Variants in GMDS observed in about 807,000 individuals in gnomAD.
GMDS encodes the protein GDP-mannose 4,6 dehydratase.
GMDS carries 20 observed loss-of-function variants against 49.9 expected under a neutral mutation model. The ratio of observed to expected loss-of-function variants is 0.40; its 90% CI spans 0.28 to 0.58. GMDS has a LOEUF of 0.58. Among genes scored for constraint, GMDS ranks in the 20% least tolerant of loss-of-function variants. The pLI, the probability that GMDS is intolerant of heterozygous loss-of-function variation, is 0.42. For synonymous variants in GMDS, 177 were observed against 178.6 expected (o/e 0.99, Z 0.07); for missense variants, 362 against 481.4 (o/e 0.75, Z 2.32).
chr6:2,111,004 T>C (rs955598086), intron 4 of GMDS, among the ~76,000 whole-genome samples: 6 of 152,226 alleles, frequency 3.9e-5, no homozygotes, highest in African/African-American at 9.6e-5. Context: ...AATTCCAACA[T>C]GGCATTGTGA....
Position 1,953,856 on chromosome 6 carries a change from T to G in GMDS, c.643+6011A>C, listed in dbSNP as rs1316623466. Among the ~76,000 whole-genome samples the G allele has an allele frequency of 3.3e-5, 5 of 152,310 alleles. No homozygotes were observed. The South Asian group carries it at 8.3e-4, about 25-fold the overall frequency. ...AAAAAACCTCTCAATATTTTCCCCA[T>G]AGTTCACAACTTATATAATAATTAA... On this transcript the variant is annotated intron_variant, in intron 6 of 10. Transcript: ENST00000380815.
chr6:2,003,632 A>AGCT (rs1766974786), intron 4 of GMDS, among the ~76,000 whole-genome samples: 1 of 152,192 alleles, frequency 6.6e-6, no homozygotes, highest in Admixed American at 6.5e-5. Flanking sequence ...TTAATCATAA[A>AGCT]GTATTTGCCT....
intron 4 of GMDS, among the ~76,000 whole-genome samples, chr6:2,038,968 C>T (rs899405855): frequency 6.6e-6 from 1 of 152,154 alleles, no homozygotes; most frequent in Non-Finnish European, 1.5e-5. Flanking sequence ...AGCGGGGATA[C>T]ATTCTGAGAA....
At chr6:1,738,816 C>T (rs998188164) in intron 8 of GMDS, among the ~76,000 whole-genome samples, 5 of 152,204 alleles carry the variant, frequency 3.3e-5, no homozygotes, top group Non-Finnish European at 7.3e-5. Context: ...TCCATGTTCT[C>T]GGCTGAATGC....
chr6:2,112,468 A>G (rs1349179741), intron 4 of GMDS, among the ~76,000 whole-genome samples: 1 of 152,190 alleles, frequency 6.6e-6, no homozygotes, highest in African/African-American at 2.4e-5. Context: ...GACCAGGGAC[A>G]GCATCATCTG....
chr6:1,704,783 C>T (rs532940446), intron 9 of GMDS, among the ~76,000 whole-genome samples: 2 of 147,382 alleles, frequency 1.4e-5, no homozygotes, highest in East Asian at 4.1e-4. Flanking sequence ...CTGCGTGGAG[C>T]TTGCTTTGTG....
At chr6:1,789,541 T>C (rs1281857570) in intron 7 of GMDS, among the ~76,000 whole-genome samples, 1 of 45,708 alleles carries the variant, frequency 2.2e-5, no homozygotes, top group Admixed American at 1.9e-4. Flanking sequence ...TCTTTTTTTT[T>C]TTTTTTTTTT....
chr6:1,975,764 A>G (rs1461561402), intron 4 of GMDS, among the ~76,000 whole-genome samples: 1 of 152,172 alleles, frequency 6.6e-6, no homozygotes, highest in Non-Finnish European at 1.5e-5. Context: ...ACAGGAGGGG[A>G]ACAAAGAAAA....
rs1011214198 is a variant in GMDS, at chr6:2,208,953, G to A, written c.102+36368C>T. Among the ~76,000 whole-genome samples, 3 of 151,554 alleles carry A rather than the reference G, an allele frequency of 2.0e-5. No homozygotes were observed. In the South Asian group the frequency reaches 6.2e-4, roughly 32 times the overall value. On this transcript the variant is annotated intron_variant, in intron 1 of 10. Coordinates refer to ENST00000380815, the MANE Select transcript of GMDS (RefSeq NM_001500.4). ...CAAGCTGTCCTGTCCAAGCATAAGA[G>A]CAAGAATATTACCAAACTTAATTCT...
intron 9 of GMDS, among the ~76,000 whole-genome samples, chr6:1,707,802 A>G (rs1225137040): frequency 2.6e-5 from 4 of 152,238 alleles, no homozygotes; most frequent in Non-Finnish European, 4.4e-5. Flanking sequence ...AAGCAATTTT[A>G]CATATGGTAA....
chr6:2,192,622 A>T (rs1183780136), intron 1 of GMDS, among the ~76,000 whole-genome samples: 1 of 152,202 alleles, frequency 6.6e-6, no homozygotes, highest in Non-Finnish European at 1.5e-5. Flanking sequence ...CCTTGGTGCC[A>T]GCTGGGGAAG....
chr6:2,174,881 G>A (rs1778198633), intron 1 of GMDS, among the ~76,000 whole-genome samples: 1 of 152,130 alleles, frequency 6.6e-6, no homozygotes, highest in Non-Finnish European at 1.5e-5. Flanking sequence ...ATGGTGCCTA[G>A]TTTCTAAAGG....
chr6:2,108,154 A>G (rs556085920), intron 4 of GMDS, among the ~76,000 whole-genome samples: 5 of 152,368 alleles, frequency 3.3e-5, no homozygotes, highest in Admixed American at 3.3e-4. Context: ...TCAGTGCTAA[A>G]GCAGAAATAT....
chr6:1,762,019 G>C (rs554883461), intron 7 of GMDS, among the ~76,000 whole-genome samples: 199 of 152,278 alleles, frequency 1.3e-3, no homozygotes, highest in African/African-American at 4.6e-3. Flanking sequence ...GTGAATTAAA[G>C]GACAATCTGA....
chr6:1,652,830 C>T (rs1561701996), intron 9 of GMDS, among the ~76,000 whole-genome samples: 1 of 133,926 alleles, frequency 7.5e-6, no homozygotes, highest in Non-Finnish European at 1.5e-5. Flanking sequence ...CCCTCCTGTC[C>T]GGACCTGCTG....
intron 4 of GMDS, among the ~76,000 whole-genome samples, chr6:2,002,913 G>A (rs951713194): frequency 6.6e-6 from 1 of 152,002 alleles, no homozygotes; most frequent in Non-Finnish European, 1.5e-5. Context: ...CATGGGTGTG[G>A]AAAAGTTCTT....
At chr6:2,114,089 T>C (rs1352070384) in intron 4 of GMDS, among the ~76,000 whole-genome samples, 3 of 152,134 alleles carry the variant, frequency 2.0e-5, no homozygotes, top group Non-Finnish European at 4.4e-5. Context: ...ACTATAAATA[T>C]GTTTTGGGGA....
intron 4 of GMDS, among the ~76,000 whole-genome samples, chr6:1,963,767 G>T (rs1012863042): frequency 3.3e-5 from 5 of 152,264 alleles, no homozygotes; most frequent in Admixed American, 1.3e-4. Context: ...GGGACCACTG[G>T]TAGTGGCCAC....
chr6:1,649,105 A>C (rs149805427), intron 9 of GMDS, among the ~76,000 whole-genome samples: 30 of 152,336 alleles, frequency 2.0e-4, no homozygotes, highest in African/African-American at 6.7e-4. Context: ...TTATGCTGCA[A>C]ATCACTTGCC....
Sources: allele counts gnomAD v4.1 joint callset (sites outside exome capture counted in the v4.1 genomes callset), GRCh38; gene constraint gnomAD v4.1.1; transcripts MANE v1.5; gene names NCBI Gene and HGNC (gene_info 2026-07-23, HGNC 2026-07-21).